Variants in LRMDA observed in about 807,000 individuals in gnomAD.
LRMDA encodes the protein leucine rich melanocyte differentiation associated.
Under a neutral mutation model 29.8 loss-of-function variants are expected in LRMDA, and 18 were observed. That is an observed-to-expected ratio of 0.60 (90% CI 0.42 to 0.90). The LOEUF is 0.90. LRMDA is among the 40% of genes least tolerant of loss of function. The probability of loss-of-function intolerance (pLI) is 0.00; values close to 1 mark genes in which losing one functional copy is unlikely to be tolerated. For missense variants in LRMDA, 273 were observed against 273.9 expected, an observed-to-expected ratio of 1.00 and a Z score of 0.02; for synonymous variants, 125 against 109.4, an observed-to-expected ratio of 1.14 and a Z score of -0.89.
At chr10:76,219,983 A>T (rs1589381297) in intron 5 of LRMDA, among the ~76,000 whole-genome samples, 2 of 152,238 alleles carry the variant, frequency 1.3e-5, no homozygotes, top group South Asian at 4.1e-4. Context: ...CTGCTCAACT[A>T]CATGGAAACT....
At chr10:76,447,563 G>C (rs1192107599) in intron 6 of LRMDA, among the ~76,000 whole-genome samples, 4 of 152,144 alleles carry the variant, frequency 2.6e-5, no homozygotes, top group Non-Finnish European at 5.9e-5. Flanking sequence ...CAACTTCTAT[G>C]TTAGTGGACT....
At chr10:76,211,076 A>C (rs530885616) in intron 5 of LRMDA, among the ~76,000 whole-genome samples, 12 of 152,130 alleles carry the variant, frequency 7.9e-5, no homozygotes, top group African/African-American at 2.7e-4. Context: ...TGTCCTGGGT[A>C]TGTGGGTCCC....
chr10:76,200,213 C>T (rs190151602), intron 5 of LRMDA, among the ~76,000 whole-genome samples: 1 of 152,194 alleles, frequency 6.6e-6, no homozygotes, highest in African/African-American at 2.4e-5. Context: ...ATCCTCCTGC[C>T]TCTGCCTACT....
At chr10:76,443,282 G>A (rs1011794120) in intron 6 of LRMDA, among the ~76,000 whole-genome samples, 2 of 152,178 alleles carry the variant, frequency 1.3e-5, no homozygotes, top group African/African-American at 4.8e-5. Context: ...TGCAAATGCT[G>A]TTTTCCAAAA....
intron 5 of LRMDA, among the ~76,000 whole-genome samples, chr10:76,137,491 T>C (rs897095730): frequency 3.9e-5 from 6 of 152,120 alleles, no homozygotes; most frequent in African/African-American, 1.4e-4. Flanking sequence ...TTAAGGTAGA[T>C]GGAATTTGCT....
chr10:76,336,950 T>C (rs991414348), intron 6 of LRMDA, among the ~76,000 whole-genome samples: 7 of 152,138 alleles, frequency 4.6e-5, no homozygotes, highest in African/African-American at 1.4e-4. Flanking sequence ...CCCACCCCCC[T>C]TTTTTTAATC....
intron 6 of LRMDA, among the ~76,000 whole-genome samples, chr10:76,480,973 T>C (rs1378147254): frequency 6.6e-6 from 1 of 151,856 alleles, no homozygotes. Flanking sequence ...AATTGAGGCA[T>C]TTAGGGAGGT....
At chr10:75,661,264 C>T (rs1841748999) in intron 2 of LRMDA, among the ~76,000 whole-genome samples, 2 of 152,212 alleles carry the variant, frequency 1.3e-5, no homozygotes, top group African/African-American at 2.4e-5. Flanking sequence ...TACAGACCTG[C>T]ACGCCTCGAC....
At chr10:75,555,552 G>T (rs1033349549) in intron 2 of LRMDA, among the ~76,000 whole-genome samples, 3 of 152,170 alleles carry the variant, frequency 2.0e-5, no homozygotes, top group Admixed American at 6.5e-5. Flanking sequence ...CAATTGAACT[G>T]AAATATGAAC....
At chr10:75,650,081 C>T (rs182748935) in intron 2 of LRMDA, among the ~76,000 whole-genome samples, 1 of 152,270 alleles carries the variant, frequency 6.6e-6, no homozygotes, top group East Asian at 1.9e-4. Flanking sequence ...CCTTTGTACT[C>T]TGTTGATAGT....
intron 2 of LRMDA, among the ~76,000 whole-genome samples, chr10:75,984,984 G>A (rs1045883353): frequency 3.9e-5 from 6 of 152,204 alleles, no homozygotes; most frequent in Non-Finnish European, 8.8e-5. Context: ...TACAACAGCA[G>A]CCTAGGTACA....
chr10:75,884,245 TTGTGTGTGTGTGTGTGTGTGTGTGTG>T (rs57507869), intron 2 of LRMDA, among the ~76,000 whole-genome samples: 3 of 109,510 alleles, frequency 2.7e-5, no homozygotes, highest in African/African-American at 7.2e-5. Context: ...GCAGGCGACT[TTGTGTGTGTGTGTGTGTGTGTGTGTG>T]TGTGTGTGTG....
At chr10:75,532,548 C>T (rs565830585) in intron 2 of LRMDA, among the ~76,000 whole-genome samples, 126 of 152,282 alleles carry the variant, frequency 8.3e-4, no homozygotes, top group African/African-American at 2.8e-3. Context: ...GGGAGACATC[C>T]TCAGGTGTGC....
chr10:76,151,690 A>T (rs1044837240), intron 5 of LRMDA, among the ~76,000 whole-genome samples: 1 of 152,150 alleles, frequency 6.6e-6, no homozygotes, highest in Non-Finnish European at 1.5e-5. Flanking sequence ...TGTAAATTTT[A>T]TTTTTGAATT....
At chr10:76,426,007 GAC>G (rs942265526) in intron 6 of LRMDA, among the ~76,000 whole-genome samples, 1 of 152,140 alleles carries the variant, frequency 6.6e-6, no homozygotes, top group African/African-American at 2.4e-5. Flanking sequence ...ATCATTGTTG[GAC>G]ATTTGGGTTG....
chr10:75,838,831 T>C (rs1474923740), intron 2 of LRMDA, among the ~76,000 whole-genome samples: 1 of 152,258 alleles, frequency 6.6e-6, no homozygotes, highest in Non-Finnish European at 1.5e-5. Context: ...AGTGAAGATG[T>C]GTATTTAAAT....
chr10:76,239,723 T>G (rs1277036619), intron 5 of LRMDA, among the ~76,000 whole-genome samples: 1 of 152,152 alleles, frequency 6.6e-6, no homozygotes, highest in East Asian at 1.9e-4. Context: ...CTATCCTCTG[T>G]ACTTTCTATA....
intron 2 of LRMDA, among the ~76,000 whole-genome samples, chr10:75,622,130 C>T (rs1240240841): frequency 6.6e-6 from 1 of 152,080 alleles, no homozygotes; most frequent in Non-Finnish European, 1.5e-5. Flanking sequence ...GAAAAGGTAG[C>T]TGTGTGTATG....
intron 6 of LRMDA, among the ~76,000 whole-genome samples, chr10:76,340,690 T>G (rs985697931): frequency 9.2e-5 from 14 of 151,908 alleles, no homozygotes; most frequent in African/African-American, 3.1e-4. Flanking sequence ...TTTAAAAAAT[T>G]TCCATCAAAG....
Sources: allele counts gnomAD v4.1 joint callset (sites outside exome capture counted in the v4.1 genomes callset), GRCh38; gene constraint gnomAD v4.1.1; transcripts MANE v1.5; gene names NCBI Gene and HGNC (gene_info 2026-07-23, HGNC 2026-07-21).